Variants in RGPD1 observed in about 807,000 individuals in gnomAD.
The protein encoded by RGPD1 is RANBP2-like and GRIP domain-containing protein 1.
A neutral mutation model predicts 40.6 loss-of-function variants in RGPD1; 7 were observed. The observed-to-expected ratio is 0.17, with a 90% CI of 0.10 to 0.32. The LOEUF (loss-of-function observed/expected upper bound fraction) is 0.32, where lower values mean the gene tolerates loss of function less well. RGPD1 is among the 10% of genes least tolerant of loss of function. The pLI is 1.00. For missense variants in RGPD1, 50 were observed against 472.5 expected (o/e 0.11, Z 8.29); for synonymous variants, 24 against 167.0 (o/e 0.14, Z 6.60).
At position 86,947,934 on chromosome 2, in the gene RGPD1, T is replaced by TA. The variant is rs893490598; in HGVS notation, c.73-3353dup. ...CGACAGAGCGAGACTCCGTTTGAAT[T>TA]AAAAAAAAAGAGAGAGAAATTTAGA... On this transcript the variant is annotated intron_variant, in intron 1 of 22. Transcript: ENST00000641458. Among the ~76,000 whole-genome samples the TA allele has an allele frequency of 1.2e-4, 11 of 93,146 alleles. 1 individual carries two copies. The highest frequency in any genetic ancestry group is 4.2e-4 in the Admixed American group (4 of 9,458). 61.1% of individuals were successfully genotyped at this position (93,146 alleles called of 152,430 possible). A position where few individuals can be genotyped will look rare whatever the true frequency, so the allele number is the denominator to read the frequency against.
chr2:86,929,408 T>G (rs1323500257), intron 1 of RGPD1, among the ~76,000 whole-genome samples: 1 of 151,978 alleles, frequency 6.6e-6, no homozygotes, highest in African/African-American at 2.4e-5. Context: ...GTTTTTTAGA[T>G]TTAGAAACTG....
intron 1 of RGPD1, among the ~76,000 whole-genome samples, chr2:86,933,449 TCTG>T (rs923466312): frequency 2.0e-5 from 3 of 149,368 alleles, no homozygotes; most frequent in African/African-American, 2.4e-5. Flanking sequence ...AAATTTCTAT[TCTG>T]CTTTGTATTT....
chr2:86,942,660 C>G (rs1020741925), intron 1 of RGPD1, among the ~76,000 whole-genome samples: 1 of 134,726 alleles, frequency 7.4e-6, no homozygotes, highest in Non-Finnish European at 1.6e-5. Flanking sequence ...CCTGGCCGGG[C>G]GGCGGCGGCG....
chr2:86,913,955 C>T, intron 1 of RGPD1: 1 of 1,276,090 alleles, frequency 7.8e-7, no homozygotes, highest in Non-Finnish European at 1.0e-6. Flanking sequence ...ACGGCCTCGA[C>T]CTGGCGGGGC....
At chr2:86,926,527 T>TC (rs985124522) in intron 1 of RGPD1, among the ~76,000 whole-genome samples, 6 of 152,030 alleles carry the variant, frequency 3.9e-5, no homozygotes, top group African/African-American at 1.2e-4. Flanking sequence ...ATAAACAACC[T>TC]CCCCACCCTT....
upstream of RGPD1, among the ~76,000 whole-genome samples, chr2:86,941,888 T>C (rs984548368): frequency 7.9e-5 from 12 of 151,812 alleles, no homozygotes; most frequent in African/African-American, 2.2e-4. Context: ...TTTTTTGTAT[T>C]TTTAGTAGAG....
chr2:86,943,475 G>C (rs1680080039), intron 1 of RGPD1, among the ~76,000 whole-genome samples: 1 of 152,122 alleles, frequency 6.6e-6, no homozygotes, highest in African/African-American at 2.4e-5. Context: ...GATCTAAAGA[G>C]TGACGGAAGA....
At chr2:86,915,054 G>A (rs1291831049) in intron 1 of RGPD1, among the ~76,000 whole-genome samples, 1 of 150,200 alleles carries the variant, frequency 6.7e-6, no homozygotes. Context: ...CCAACATTTT[G>A]TGAGACTGAG....
intron 1 of RGPD1, among the ~76,000 whole-genome samples, chr2:86,944,975 A>G (rs183980090): frequency 0.016 from 2,471 of 150,996 alleles, 39 homozygotes; most frequent in African/African-American, 0.044. Context: ...CGCCTTGGCC[A>G]CAAGTGCTGA....
At chr2:86,924,966 T>G (rs1678368019) in intron 1 of RGPD1, among the ~76,000 whole-genome samples, 2 of 151,240 alleles carry the variant, frequency 1.3e-5, no homozygotes, top group African/African-American at 4.8e-5. Context: ...CAAAAAAATT[T>G]GAAAATTAGC....
intron 22 of RGPD1, among the ~76,000 whole-genome samples, chr2:87,007,625 C>T (rs1490787321): frequency 3.9e-5 from 6 of 152,324 alleles, no homozygotes; most frequent in South Asian, 2.1e-4. Flanking sequence ...GTGATCCAGC[C>T]GTCTCAGATC....
chr2:86,942,827 C>T (rs1457116103), intron 1 of RGPD1, among the ~76,000 whole-genome samples: 3 of 152,094 alleles, frequency 2.0e-5, no homozygotes, highest in East Asian at 1.9e-4. Flanking sequence ...CGCTTGCAAG[C>T]GCAGGAAGAG....
intron 1 of RGPD1, among the ~76,000 whole-genome samples, chr2:86,918,544 C>G (rs1379763336): frequency 2.1e-5 from 3 of 140,370 alleles, no homozygotes. Flanking sequence ...ACTACAGGCT[C>G]TGCCTCCTGG....
At position 86,943,227 on chromosome 2, in the gene RGPD1, G is replaced by A. The variant is rs557785278; in HGVS notation, c.72+919G>A. Among the ~76,000 whole-genome samples the A allele has an allele frequency of 3.4e-5, 5 of 147,752 alleles. No individual in the cohort carries two copies. The South Asian group carries it at 6.6e-4, about 19-fold the overall frequency. ...TTGTTTTGAGTATGAGGTGTTTGTC[G>A]CTGTCCCTTTATAAGGGTCCAACTC... On this transcript the variant is annotated intron_variant, in intron 1 of 22. Coordinates refer to ENST00000641458, the MANE Select transcript of RGPD1 (RefSeq NM_001382344.1).
chr2:86,924,434 T>C (rs1427615395), intron 1 of RGPD1, among the ~76,000 whole-genome samples: 2 of 150,140 alleles, frequency 1.3e-5, no homozygotes, highest in African/African-American at 4.9e-5. Flanking sequence ...AGATTACAGG[T>C]GTGAGCCACC....
At chr2:86,933,403 G>T (rs1172249443) in intron 1 of RGPD1, among the ~76,000 whole-genome samples, 4 of 150,136 alleles carry the variant, frequency 2.7e-5, no homozygotes, top group African/African-American at 9.8e-5. Flanking sequence ...AAATAATACT[G>T]GTATGACAAC....
rs1161702738 is a variant in RGPD1 at position 86,964,343 on chromosome 2, C to CT, written c.975+1129dup. 1.3e-3 allele frequency among the ~76,000 whole-genome samples: 86 copies of CT among 68,498 alleles called. 8 individuals are homozygous for CT. The highest frequency in any genetic ancestry group is 1.1e-3 in the Non-Finnish European group (40 of 37,394). 44.9% of individuals were successfully genotyped at this position (68,498 alleles called of 152,430 possible). On this transcript the variant is annotated intron_variant, in intron 7 of 22. Transcript: ENST00000641458. ...ACAAGCGTGAGCCACCATTCCCGGA[C>CT]TTTTTTTTTTAATGAGCTTGCATAA...
At chr2:87,000,260 TACA>T (rs1320633912) in intron 22 of RGPD1, among the ~76,000 whole-genome samples, 1 of 137,216 alleles carries the variant, frequency 7.3e-6, no homozygotes, top group East Asian at 2.0e-4. Context: ...AAGTTTTCAA[TACA>T]ACAATGATAT....
chr2:86,993,287 C>CT (rs1410385276), intron 20 of RGPD1, among the ~76,000 whole-genome samples: 1 of 146,366 alleles, frequency 6.8e-6, no homozygotes, highest in Non-Finnish European at 1.5e-5. Context: ...ATTACGGAGT[C>CT]TGTGTCTTCC....
Sources: allele counts gnomAD v4.1 joint callset (sites outside exome capture counted in the v4.1 genomes callset), GRCh38; gene constraint gnomAD v4.1.1; transcripts MANE v1.5; gene names NCBI Gene and HGNC (gene_info 2026-07-23, HGNC 2026-07-21).